Variants in SKI observed in about 807,000 individuals in gnomAD.
SKI encodes SKI proto-oncogene.
A neutral mutation model predicts 59.3 loss-of-function variants in SKI; 23 were observed. That is an observed-to-expected ratio of 0.39 (90% CI 0.28 to 0.55). The LOEUF (loss-of-function observed/expected upper bound fraction) is 0.55, where lower values mean the gene tolerates loss of function less well. Ranked by LOEUF, SKI falls within the 20% of genes least tolerant of loss-of-function variation. SKI has a pLI of 0.67. For missense variants in SKI, 1,017 were observed against 1,038.9 expected, an observed-to-expected ratio of 0.98 and a Z score of 0.29; for synonymous variants, 673 against 488.6, an observed-to-expected ratio of 1.38 and a Z score of -4.98.
intron 1 of SKI, among the ~76,000 whole-genome samples, chr1:2,245,594 G>A (rs964433724): frequency 6.6e-6 from 1 of 151,392 alleles, no homozygotes; most frequent in African/African-American, 2.4e-5. Flanking sequence ...TCCTGTCTCA[G>A]CCTCCCAAGT....
At chr1:2,284,679 C>T (rs1639994428) in intron 1 of SKI, among the ~76,000 whole-genome samples, 1 of 152,158 alleles carries the variant, frequency 6.6e-6, no homozygotes, top group East Asian at 1.9e-4. Context: ...TCCCTCCCGC[C>T]CCACACCGGC....
chr1:2,292,665 G>A (rs1209934975), intron 1 of SKI, among the ~76,000 whole-genome samples: 1 of 152,214 alleles, frequency 6.6e-6, no homozygotes, highest in Non-Finnish European at 1.5e-5. Context: ...TGGGTGTGTG[G>A]ACATGACCCT....
intron 1 of SKI, among the ~76,000 whole-genome samples, chr1:2,259,192 C>T (rs1017227182): frequency 9.2e-5 from 14 of 152,218 alleles, no homozygotes; most frequent in African/African-American, 1.9e-4. Context: ...CACGCCCCAC[C>T]GCCCTCGCCG....
At chr1:2,241,396 A>AT (rs895926156) in intron 1 of SKI, among the ~76,000 whole-genome samples, 3 of 150,184 alleles carry the variant, frequency 2.0e-5, no homozygotes, top group South Asian at 2.1e-4. Flanking sequence ...AGGGATTGTA[A>AT]TTTTTTTTTT....
At position 2,228,321 on chromosome 1, in the gene SKI, T is replaced by G; in HGVS notation, c.-446T>G. 7.3e-6 allele frequency among the ~76,000 whole-genome samples: 1 copy of G among 136,820 alleles called. No homozygotes were observed. Among genetic ancestry groups the G allele is most frequent in the South Asian group, 2.4e-4 (1 of 4,240 alleles). 89.8% of individuals were successfully genotyped at this position (136,820 alleles called of 152,430 possible). On this transcript the variant is annotated 5_prime_UTR_variant, in exon 1 of 7. Coordinates refer to ENST00000378536, the MANE Select transcript of SKI (RefSeq NM_003036.4). Reference sequence around the variant, plus strand: ...GCGGGCCCCGCGCCCGCGCCCCCGCTCCTCCCGGGCCCCTCGGCCTCGGCC... The same window carrying G: ...GCGGGCCCCGCGCCCGCGCCCCCGCGCCTCCCGGGCCCCTCGGCCTCGGCC...
intron 1 of SKI, among the ~76,000 whole-genome samples, chr1:2,294,354 C>T (rs1413629414): frequency 6.6e-6 from 1 of 152,224 alleles, no homozygotes; most frequent in Non-Finnish European, 1.5e-5. Context: ...ACTCAGTGAC[C>T]ATCAGGCTGG....
In SKI at chr1:2,309,332, AAG is replaced by A. The variant is rs1306442750; in HGVS notation, c.*2569_*2570del. ...AATTCTCATTATATTTCTATACTGA[AAG>A]AAGATTTTTAACGAAGGGAAAAACA... On this transcript the variant is annotated 3_prime_UTR_variant, in exon 7 of 7. Transcript: ENST00000378536. The A allele has an allele frequency of 3.0e-4, 45 of 151,282 alleles. No homozygotes were observed. The highest frequency in any genetic ancestry group is 2.7e-3 in the Admixed American group (41 of 15,234). The allele number at this position is 151,282 out of a possible 1,614,324, so 9.4% of individuals were successfully genotyped here.
In SKI at chr1:2,268,304, T is replaced by C. The variant is rs1639542338; in HGVS notation, c.970-34674T>C. ...TGTGTAGCCAGGTGTCTCAGAGGGCTCAGGGCTCCTGGTAGGGTTTGGGTG... is the reference window on the plus strand; with the variant it reads ...TGTGTAGCCAGGTGTCTCAGAGGGCCCAGGGCTCCTGGTAGGGTTTGGGTG... On this transcript the variant is annotated intron_variant, in intron 1 of 6. Coordinates refer to ENST00000378536, the MANE Select transcript of SKI (RefSeq NM_003036.4). This position sits in a 1 kb window ranked among gnomAD's most constrained non-coding sequence, Gnocchi z 5.0. 1.3e-5 allele frequency among the ~76,000 whole-genome samples: 2 copies of C among 152,186 alleles called. No homozygotes were observed. The highest frequency in any genetic ancestry group is 2.9e-5 in the Non-Finnish European group (2 of 68,018).
chr1:2,235,045 AT>A (rs34974355), intron 1 of SKI, among the ~76,000 whole-genome samples: 183 of 135,292 alleles, frequency 1.4e-3, no homozygotes, highest in Non-Finnish European at 1.5e-3. Context: ...TTTTGTTGTT[AT>A]TTTTTTTTTT....
intron 1 of SKI, among the ~76,000 whole-genome samples, chr1:2,288,737 T>C (rs911861110): frequency 1.3e-5 from 2 of 152,152 alleles, no homozygotes; most frequent in African/African-American, 4.8e-5. Context: ...TGAGGTGGGC[T>C]GTTGTTGGCC....
intron 1 of SKI, among the ~76,000 whole-genome samples, chr1:2,300,400 G>T (rs1438427928): frequency 6.6e-6 from 1 of 151,740 alleles, no homozygotes; most frequent in Non-Finnish European, 1.5e-5. Context: ...GCCCCAGGAA[G>T]GGTCACACCA....
intron 1 of SKI, among the ~76,000 whole-genome samples, chr1:2,266,792 C>T (rs933959074): frequency 1.3e-5 from 2 of 152,176 alleles, no homozygotes; most frequent in East Asian, 1.9e-4. Context: ...GTCGTCACAG[C>T]GGCCGGATAT....
intron 1 of SKI, among the ~76,000 whole-genome samples, chr1:2,245,751 C>T (rs1557817159): frequency 6.9e-6 from 1 of 145,472 alleles, no homozygotes; most frequent in African/African-American, 2.5e-5. Context: ...GCTGGGATTA[C>T]AAGCGTCAGC....
chr1:2,279,205 G>A (rs775294817), intron 1 of SKI, among the ~76,000 whole-genome samples: 30 of 152,204 alleles, frequency 2.0e-4, no homozygotes, highest in Non-Finnish European at 3.5e-4. Flanking sequence ...ATCTCTGAGC[G>A]GGACTGCCTC....
rs137989802 is a variant in SKI at position 2,274,463 on chromosome 1, C to T, written c.970-28515C>T. ...GGGTGGTGTGGGGCTGCCTCTCGCT[C>T]GCTCCACCAGCCACCCGAGGGCCCG... On this transcript the variant is annotated intron_variant, in intron 1 of 6. Coordinates refer to ENST00000378536, the MANE Select transcript of SKI (RefSeq NM_003036.4). Among the ~76,000 whole-genome samples the T allele has an allele frequency of 1.9e-3, 288 of 152,186 alleles. 1 individual carries two copies. The highest frequency in any genetic ancestry group is 6.5e-3 in the African/African-American group (271 of 41,532).
chr1:2,251,861 C>G (rs1639158689), intron 1 of SKI, among the ~76,000 whole-genome samples: 1 of 152,234 alleles, frequency 6.6e-6, no homozygotes, highest in South Asian at 2.1e-4. Context: ...AGCTTCTCCC[C>G]TTCTTGCTTC....
chr1:2,306,780 G>GT lies in SKI; in HGVS notation c.*15_*16insT. ...TGGAGCCGTAGATTCCGTGCCTGCCGCCGCAGCGCCGCCGACAACGCGGGT... is the reference window on the plus strand; with the variant it reads ...TGGAGCCGTAGATTCCGTGCCTGCCGTCCGCAGCGCCGCCGACAACGCGGGT... On this transcript the variant is annotated 3_prime_UTR_variant, in exon 7 of 7. Transcript: ENST00000378536. 6.7e-7 allele frequency: 1 copy of GT among 1,484,960 alleles called. No homozygotes were observed. Among genetic ancestry groups the GT allele is most frequent in the Non-Finnish European group, 8.9e-7 (1 of 1,121,652 alleles). 92.0% of individuals were successfully genotyped at this position (1,484,960 alleles called of 1,614,324 possible). A position where few individuals can be genotyped will look rare whatever the true frequency, so the allele number is the denominator to read the frequency against.
At chr1:2,265,124 C>T (rs1639473292) in intron 1 of SKI, among the ~76,000 whole-genome samples, 2 of 152,150 alleles carry the variant, frequency 1.3e-5, no homozygotes, top group South Asian at 4.1e-4. Flanking sequence ...ACATGCCTTT[C>T]TTTAAGATTG....
At chr1:2,305,934 A>T in intron 5 of SKI, 86 bp from the exon 6 acceptor site, 1 of 1,053,708 alleles carries the variant, frequency 9.5e-7, no homozygotes, top group Non-Finnish European at 1.4e-6. Context: ...AGATGACCCC[A>T]CGGGGTGGGC....
Sources: gnomAD v4.1 joint callset for allele counts (sites outside exome capture counted in the v4.1 genomes callset) on GRCh38, gnomAD v4.1.1 for gene constraint, Gnocchi (gnomAD v3.1) non-coding constraint, MANE v1.5 for transcripts, NCBI Gene and HGNC (gene_info 2026-07-23, HGNC 2026-07-21) for gene names.